Variants in RELCH observed in about 807,000 individuals in gnomAD.
RELCH encodes the protein RAB11-binding protein RELCH.
In RELCH, 41 loss-of-function variants were observed where a neutral mutation model predicts 150.3. The ratio of observed to expected loss-of-function variants is 0.27; its 90% CI spans 0.21 to 0.35. RELCH has a LOEUF of 0.35. Among genes scored for constraint, RELCH ranks in the 10% least tolerant of loss-of-function variants. RELCH has a pLI of 1.00. For missense variants in RELCH, 1,092 were observed against 1,467.8 expected (o/e 0.74, Z 4.18); for synonymous variants, 478 against 531.8 (o/e 0.90, Z 1.39).
At chr18:62,219,160 T>C (rs17717617) in intron 2 of RELCH, among the ~76,000 whole-genome samples, 24,709 of 151,684 alleles carry the variant, frequency 0.16, 2,707 homozygotes, top group Middle Eastern at 0.3. Flanking sequence ...GCAATATATA[T>C]GTAGATGTGC....
At chr18:62,212,874 T>G (rs2148322284) in intron 2 of RELCH, among the ~76,000 whole-genome samples, 1 of 152,328 alleles carries the variant, frequency 6.6e-6, no homozygotes, top group South Asian at 2.1e-4. Context: ...TTGAATATTT[T>G]AAAATCTCAG....
intron 1 of RELCH, among the ~76,000 whole-genome samples, chr18:62,207,257 G>A (rs183891778): frequency 6.6e-6 from 1 of 152,006 alleles, no homozygotes; most frequent in Non-Finnish European, 1.5e-5. Flanking sequence ...TACAATATGT[G>A]GTTCTCTTAT....
chr18:62,265,957 A>T (rs1422546296), intron 18 of RELCH, among the ~76,000 whole-genome samples: 2 of 151,964 alleles, frequency 1.3e-5, no homozygotes, highest in Admixed American at 6.6e-5. Flanking sequence ...TTTCACTAGC[A>T]TTCAGTTGTT....
chr18:62,189,011 A>G (rs939401561), intron 1 of RELCH, among the ~76,000 whole-genome samples: 1 of 152,188 alleles, frequency 6.6e-6, no homozygotes, highest in Non-Finnish European at 1.5e-5. Context: ...GCTTTTGAAT[A>G]GTGCCAGAGA....
intron 22 of RELCH, among the ~76,000 whole-genome samples, chr18:62,276,030 C>A (rs1456722933): frequency 6.6e-6 from 1 of 152,112 alleles, no homozygotes; most frequent in African/African-American, 2.4e-5. Flanking sequence ...AAATTGCTAC[C>A]TACCCAAGTT....
chr18:62,274,076 G>T lies in RELCH; in HGVS notation c.2857G>T (p.Val953Leu). The change falls in exon 21 of 29, where the codon GTG (valine) becomes TTG (leucine). Residue 953 changes from valine to leucine, a missense_variant. By Grantham distance (32) the Val-to-Leu change is conservative. Around this residue, in one of 4 missense-constraint regions of RELCH, gnomAD observed 707 missense variants for 1,025.4 expected, o/e 0.69. Coordinates refer to ENST00000644646, the MANE Select transcript of RELCH (RefSeq NM_001346231.2). ...APLDSLKASFVELGANPAYHE... is the reference protein window; with the variant it reads ...APLDSLKASFLELGANPAYHE... ...TCTTGATAGCCTGAAGGCTTCTTTTGTGGAATTGGGGTAAGAAATAACAGC... is the reference window on the plus strand; with the variant it reads ...TCTTGATAGCCTGAAGGCTTCTTTTTTGGAATTGGGGTAAGAAATAACAGC... 6.2e-7 allele frequency: 1 copy of T among 1,606,560 alleles called. No individual in the cohort carries two copies. The highest frequency in any genetic ancestry group is 1.3e-5 in the African/African-American group (1 of 74,856).
At chr18:62,213,675 A>G (rs1299578750) in intron 2 of RELCH, among the ~76,000 whole-genome samples, 1 of 143,326 alleles carries the variant, frequency 7.0e-6, no homozygotes, top group Non-Finnish European at 1.5e-5. Flanking sequence ...GGTTGCAGTG[A>G]GCCAAGATTA....
In RELCH at chr18:62,287,487, G is replaced by C. The variant is rs1377145806; in HGVS notation, c.3370+20G>C. Reference sequence around the variant, plus strand: ...GTTGTTGTATCCTTGTTTTATTAAGGTGTATCTACATTTATGTAACCAATC... The same window carrying C: ...GTTGTTGTATCCTTGTTTTATTAAGCTGTATCTACATTTATGTAACCAATC... On this transcript the variant is annotated intron_variant, in intron 26 of 28. Coordinates refer to ENST00000644646, the MANE Select transcript of RELCH (RefSeq NM_001346231.2). The C allele has an allele frequency of 3.2e-6, 4 of 1,245,750 alleles. No individual in the cohort carries two copies. Among genetic ancestry groups the C allele is most frequent in the Non-Finnish European group, 4.7e-6 (4 of 850,984 alleles). 77.2% of individuals were successfully genotyped at this position (1,245,750 alleles called of 1,614,324 possible). A position where few individuals can be genotyped will look rare whatever the true frequency, so the allele number is the denominator to read the frequency against.
intron 12 of RELCH, among the ~76,000 whole-genome samples, chr18:62,253,929 G>A (rs745733466): frequency 6.6e-6 from 1 of 151,620 alleles, no homozygotes; most frequent in Non-Finnish European, 1.5e-5. Flanking sequence ...ATTTTCTTTT[G>A]TCTTTTTCTT....
At chr18:62,289,262 G>A (rs1222678315) in intron 26 of RELCH, among the ~76,000 whole-genome samples, 1 of 152,166 alleles carries the variant, frequency 6.6e-6, no homozygotes, top group Non-Finnish European at 1.5e-5. Context: ...TTCTACATGA[G>A]TCAGAACTTG....
At chr18:62,269,855 A>G (rs1039814611) in intron 20 of RELCH, among the ~76,000 whole-genome samples, 1 of 152,168 alleles carries the variant, frequency 6.6e-6, no homozygotes, top group Non-Finnish European at 1.5e-5. Flanking sequence ...TTTCACACAC[A>G]GTATCAGTTT....
chr18:62,270,004 G>T (rs2043803942), intron 20 of RELCH, among the ~76,000 whole-genome samples: 2 of 152,096 alleles, frequency 1.3e-5, no homozygotes, highest in African/African-American at 4.8e-5. Flanking sequence ...TGTTTCATTT[G>T]CTCATGATTC....
At chr18:62,207,402 A>G (rs1487580735) in intron 1 of RELCH, among the ~76,000 whole-genome samples, 1 of 152,200 alleles carries the variant, frequency 6.6e-6, no homozygotes, top group African/African-American at 2.4e-5. Context: ...TCATTTATCA[A>G]TGGACAGATA....
At chr18:62,258,137 T>C in intron 14 of RELCH, 49 bp downstream of exon 14, 1 of 1,430,184 alleles carries the variant, frequency 7.0e-7, no homozygotes. Context: ...AAATTCCAAG[T>C]ATTATAATAT....
At chr18:62,223,695 CAAATT>C (rs1394203784) in intron 5 of RELCH, among the ~76,000 whole-genome samples, 1 of 151,892 alleles carries the variant, frequency 6.6e-6, no homozygotes, top group Admixed American at 6.6e-5. Context: ...TTTAGCAAAT[CAAATT>C]AAACAGAATG....
At position 62,261,580 on chromosome 18, in the gene RELCH, T is replaced by C; in HGVS notation, c.2272T>C (p.Ser758Pro). ...YLSALQSLIP[S>P]LFALVLQNAP... ...TTCTGCCTTGCAGTCCTTGATCCCATCTCTCTTTGCATTAGTGCTACAGAA... is the reference window on the plus strand; with the variant it reads ...TTCTGCCTTGCAGTCCTTGATCCCACCTCTCTTTGCATTAGTGCTACAGAA... The change falls in exon 16 of 29, where the codon TCT becomes CCT. Residue 758 changes from serine (S) to proline (P), a missense_variant. Ser to Pro is a moderately conservative substitution (Grantham distance 74, BLOSUM62 -1). This residue lies in a region of RELCH where 707 missense variants were observed against 1,025.4 expected (regional missense o/e 0.69). Coordinates refer to ENST00000644646, the MANE Select transcript of RELCH (RefSeq NM_001346231.2). The C allele has an allele frequency of 2.5e-6, 4 of 1,612,100 alleles. No individual in the cohort carries two copies. Among genetic ancestry groups the C allele is most frequent in the Non-Finnish European group, 3.4e-6 (4 of 1,178,774 alleles).
intron 18 of RELCH, among the ~76,000 whole-genome samples, chr18:62,265,259 G>T (rs955088948): frequency 1.3e-5 from 2 of 152,026 alleles, no homozygotes; most frequent in African/African-American, 2.4e-5. Flanking sequence ...TGGAACCACA[G>T]CAACTTATAT....
intron 1 of RELCH, among the ~76,000 whole-genome samples, chr18:62,189,603 T>C (rs563785644): frequency 6.6e-6 from 1 of 152,348 alleles, no homozygotes; most frequent in Admixed American, 6.5e-5. Flanking sequence ...ATTAATACAG[T>C]GAAATGGATT....
At chr18:62,261,730 T>A in intron 16 of RELCH, 72 bp downstream of exon 16, 2 of 1,375,790 alleles carry the variant, frequency 1.5e-6, no homozygotes, top group Non-Finnish European at 2.0e-6. Flanking sequence ...TTGTTTTTTA[T>A]TAAAAGTCTA....
Sources: allele counts gnomAD v4.1 joint callset (sites outside exome capture counted in the v4.1 genomes callset), GRCh38; gene constraint gnomAD v4.1.1; regional missense constraint gnomAD v4.1.1; transcripts MANE v1.5; gene names NCBI Gene and HGNC (gene_info 2026-07-23, HGNC 2026-07-21).